The following RNF220 variants were observed in gnomAD, a reference collection of about 807,000 sequenced individuals.
The protein encoded by RNF220 is ring finger protein 220.
RNF220 carries 7 observed loss-of-function variants against 67.1 expected under a neutral mutation model. The ratio of observed to expected loss-of-function variants is 0.10; its 90% CI spans 0.06 to 0.20. The LOEUF is 0.20. Among genes scored for constraint, RNF220 ranks in the 10% least tolerant of loss-of-function variants. RNF220 has a pLI of 1.00. For missense variants in RNF220, 565 were observed against 740.3 expected (o/e 0.76, Z 2.75); for synonymous variants, 270 against 283.2 (o/e 0.95, Z 0.47).
chr1:44,502,972 G>A (rs1189037440), intron 2 of RNF220, among the ~76,000 whole-genome samples: 2 of 152,018 alleles, frequency 1.3e-5, no homozygotes, highest in African/African-American at 2.4e-5. Context: ...GGGTCTTGCT[G>A]TGTTGCCCAG....
intron 2 of RNF220, among the ~76,000 whole-genome samples, chr1:44,520,899 T>C (rs561016519): frequency 6.6e-6 from 1 of 152,268 alleles, no homozygotes; most frequent in South Asian, 2.1e-4. Context: ...GTGATTTGTT[T>C]TTGTTTTTGT....
intron 2 of RNF220, among the ~76,000 whole-genome samples, chr1:44,579,641 A>G (rs1665088970): frequency 6.6e-6 from 1 of 152,070 alleles, no homozygotes; most frequent in African/African-American, 2.4e-5. Flanking sequence ...ATTTGTGGAT[A>G]TTGTTTATTC....
intron 2 of RNF220, among the ~76,000 whole-genome samples, chr1:44,466,070 A>T (rs1377475032): frequency 6.6e-6 from 1 of 152,230 alleles, no homozygotes; most frequent in African/African-American, 2.4e-5. Context: ...CTTCTTTCAA[A>T]ATTGTAGTCA....
chr1:44,431,897 A>G (rs1363172382), intron 2 of RNF220, among the ~76,000 whole-genome samples: 1 of 152,238 alleles, frequency 6.6e-6, no homozygotes, highest in Non-Finnish European at 1.5e-5. Flanking sequence ...GAATTAATTC[A>G]CATCTCAGCC....
intron 2 of RNF220, among the ~76,000 whole-genome samples, chr1:44,570,871 C>G (rs553944026): frequency 6.6e-6 from 1 of 152,080 alleles, no homozygotes; most frequent in Non-Finnish European, 1.5e-5. Flanking sequence ...GCCAGGAGTT[C>G]GAGACCAGCC....
At chr1:44,503,202 C>T (rs984084598) in intron 2 of RNF220, among the ~76,000 whole-genome samples, 6 of 152,042 alleles carry the variant, frequency 3.9e-5, no homozygotes, top group Middle Eastern at 3.4e-3. Flanking sequence ...GGTATGGTGG[C>T]ACATGCCTGT....
intron 2 of RNF220, among the ~76,000 whole-genome samples, chr1:44,477,997 G>A (rs1347391605): frequency 1.3e-5 from 2 of 151,930 alleles, no homozygotes; most frequent in African/African-American, 4.8e-5. Context: ...TTTATTTATT[G>A]AGACAGGGTC....
intron 2 of RNF220, among the ~76,000 whole-genome samples, chr1:44,500,909 G>T (rs1657789026): frequency 6.6e-6 from 1 of 152,236 alleles, no homozygotes; most frequent in Non-Finnish European, 1.5e-5. Context: ...GGAGCCAGGG[G>T]CGAAGCACCC....
intron 2 of RNF220, among the ~76,000 whole-genome samples, chr1:44,584,152 C>A (rs555896550): frequency 1.3e-5 from 2 of 152,344 alleles, no homozygotes; most frequent in East Asian, 3.9e-4. Flanking sequence ...TCGAGCAGCC[C>A]AGGCTGCTCA....
At chr1:44,492,487 A>G (rs1027429578) in intron 2 of RNF220, among the ~76,000 whole-genome samples, 1 of 152,256 alleles carries the variant, frequency 6.6e-6, no homozygotes, top group African/African-American at 2.4e-5. Flanking sequence ...AGTATTATTC[A>G]TGATAGCCAA....
intron 2 of RNF220, among the ~76,000 whole-genome samples, chr1:44,498,566 G>C (rs1412732170): frequency 6.6e-6 from 1 of 152,152 alleles, no homozygotes; most frequent in Non-Finnish European, 1.5e-5. Context: ...ACAACTGGGA[G>C]TTTTCATTTT....
chr1:44,565,560 C>T lies in RNF220; in HGVS notation c.626-48605C>T, dbSNP rs1663937529. Among the ~76,000 whole-genome samples the T allele has an allele frequency of 6.6e-6, 1 of 152,224 alleles. No individual in the cohort carries two copies. On this transcript the variant is annotated intron_variant, in intron 2 of 14. Transcript: ENST00000361799. This position sits in a 1 kb window ranked among gnomAD's most constrained non-coding sequence, Gnocchi z 4.2. ...CCCCAGCCTAACACAATTACCCCTT[C>T]CTTCTCCCTCAGCCCAGGCAAGGGG... is the stretch of plus-strand genomic sequence containing the variant.
At chr1:44,519,691 C>T (rs1659751662) in intron 2 of RNF220, among the ~76,000 whole-genome samples, 1 of 152,150 alleles carries the variant, frequency 6.6e-6, no homozygotes, top group South Asian at 2.1e-4. Context: ...ACCTCCTTGA[C>T]CCCCCTCCCT....
At chr1:44,454,225 G>C (rs914300460) in intron 2 of RNF220, among the ~76,000 whole-genome samples, 2 of 152,252 alleles carry the variant, frequency 1.3e-5, no homozygotes, top group Admixed American at 1.3e-4. Flanking sequence ...ATGTGTTGAA[G>C]GTAGAACTCA....
At chr1:44,494,205 CA>C (rs375116674) in intron 2 of RNF220, among the ~76,000 whole-genome samples, 25 of 122,450 alleles carry the variant, frequency 2.0e-4, no homozygotes, top group African/African-American at 1.9e-4. Flanking sequence ...GAAACTCTGT[CA>C]AAAAAAAAAA....
intron 2 of RNF220, among the ~76,000 whole-genome samples, chr1:44,518,743 C>T (rs899304595): frequency 4.0e-5 from 6 of 151,728 alleles, no homozygotes; most frequent in Non-Finnish European, 2.9e-5. Context: ...GGCGTGGTGG[C>T]GGGTGCCTGT....
intron 2 of RNF220, among the ~76,000 whole-genome samples, chr1:44,611,570 C>G (rs1643310360): frequency 6.6e-6 from 1 of 152,220 alleles, no homozygotes; most frequent in Non-Finnish European, 1.5e-5. Flanking sequence ...TTCCAGCAAC[C>G]TGTCAACTCC....
chr1:44,421,694 G>T (rs573132460), intron 2 of RNF220, among the ~76,000 whole-genome samples: 2 of 152,052 alleles, frequency 1.3e-5, no homozygotes, highest in Non-Finnish European at 2.9e-5. Flanking sequence ...AAAGAGGGCT[G>T]TCCATTACCC....
At position 44,442,389 on chromosome 1, in the gene RNF220, C is replaced by T. The variant is rs150363492; in HGVS notation, c.625+29667C>T. On this transcript the variant is annotated intron_variant, in intron 2 of 14. Coordinates refer to ENST00000361799, the MANE Select transcript of RNF220 (RefSeq NM_018150.4). ...AACTCTTGGGCTCAAGCAATCCACT[C>T]TCCTCAGCCTCCTAAAGTGTTAAGA... Among the ~76,000 whole-genome samples the T allele has an allele frequency of 2.1e-4, 32 of 152,224 alleles. No individual in the cohort carries two copies. The East Asian group carries it at 5.8e-3, about 28-fold the overall frequency.
Sources: allele counts gnomAD v4.1 joint callset (sites outside exome capture counted in the v4.1 genomes callset), GRCh38; gene constraint gnomAD v4.1.1; non-coding constraint Gnocchi (gnomAD v3.1); transcripts MANE v1.5; gene names NCBI Gene and HGNC (gene_info 2026-07-23, HGNC 2026-07-21).